Variants in MTERF3 observed in about 807,000 individuals in gnomAD.
The protein encoded by MTERF3 is mitochondrial transcription termination factor 3, also known as transcription termination factor 3, mitochondrial.
Under a neutral mutation model 40.5 loss-of-function variants are expected in MTERF3, and 40 were observed. The ratio of observed to expected loss-of-function variants is 0.99; its 90% confidence interval spans 0.77 to 1.29. MTERF3 has a LOEUF of 1.29. MTERF3 is among the 50% of genes most tolerant of loss of function. The pLI is 0.00. For synonymous variants in MTERF3, 158 were observed against 166.6 expected, an observed-to-expected ratio of 0.95 and a Z score of 0.40; for missense variants, 452 against 478.2, an observed-to-expected ratio of 0.95 and a Z score of 0.51.
chr8:96,254,357 A>G (rs1165032723), intron 3 of MTERF3, among the ~76,000 whole-genome samples: 1 of 152,154 alleles, frequency 6.6e-6, no homozygotes, highest in Non-Finnish European at 1.5e-5. Context: ...GCTGGACAAT[A>G]GATCTCCAAA....
chr8:96,246,005 T>C (rs1323053830), intron 5 of MTERF3, 74 bp from the exon 6 acceptor site: 2 of 1,359,164 alleles, frequency 1.5e-6, no homozygotes, highest in African/African-American at 2.9e-5. Context: ...TAAGGCATTA[T>C]TAAGATACAA....
chr8:96,258,278 G>A, intron 2 of MTERF3, 79 bp downstream of exon 2: 2 of 1,460,412 alleles, frequency 1.4e-6, no homozygotes, highest in Non-Finnish European at 1.8e-6. Flanking sequence ...CCTGAAATGG[G>A]CTAGCAGAAG....
At chr8:96,246,804 G>C (rs924581812) in intron 4 of MTERF3, among the ~76,000 whole-genome samples, 3 of 150,358 alleles carry the variant, frequency 2.0e-5, no homozygotes, top group Non-Finnish European at 4.4e-5. Context: ...TTTATTACTT[G>C]GTAAGAAAGA....
In MTERF3 at chr8:96,258,704, C is replaced by A. The variant is rs370192431; in HGVS notation, c.-10-4G>T. On this transcript the variant is annotated splice_region_variant and splice_polypyrimidine_tract_variant and intron_variant, in intron 1 of 7. Coordinates refer to ENST00000287025, the MANE Select transcript of MTERF3 (RefSeq NM_015942.5). The stretch of plus-strand genomic sequence containing the variant: ...TGACAAAGCCATTTTTCTTAGTCTA[C>A]AAAGGAAAGATATAACCGTCAAAAG... The A allele has an allele frequency of 1.3e-6, 2 of 1,567,706 alleles. No homozygotes were observed. Among genetic ancestry groups the A allele is most frequent in the South Asian group, 1.2e-5 (1 of 85,910 alleles).
At chr8:96,250,386 TACTG>T (rs1223861452) in intron 4 of MTERF3, among the ~76,000 whole-genome samples, 3 of 146,258 alleles carry the variant, frequency 2.1e-5, no homozygotes, top group Admixed American at 6.8e-5. Context: ...AAGAGTTAAT[TACTG>T]ACTCAGTAAT....
intron 1 of MTERF3, among the ~76,000 whole-genome samples, chr8:96,259,914 T>A (rs1810349611): frequency 7.2e-6 from 1 of 138,210 alleles, no homozygotes; most frequent in South Asian, 2.2e-4. Context: ...ATTATTATTA[T>A]TTTTTTTGAG....
rs138095121 is a variant in MTERF3 at position 96,250,972 on chromosome 8, T to C, written c.611A>G (p.Gln204Arg). The stretch of plus-strand genomic sequence containing the variant: ...ATTTTTTGTCAGGAATGCTCCCAGT[T>C]GGTTATCCTCTATACCCACATCTTT... ...FLKDVGIEDN[Q>R]LGAFLTKNHA... is the part of the protein sequence containing the mutation. Residue 204 changes from glutamine to arginine, a missense_variant, in exon 4 of 8, where the codon CAA becomes CGA. By Grantham distance (43) the Gln-to-Arg change is conservative (BLOSUM62 1). Transcript: ENST00000287025. 6 of 1,608,014 alleles carry C rather than the reference T, an allele frequency of 3.7e-6. No individual in the cohort carries two copies. In the African/African-American group the frequency reaches 6.7e-5, roughly 18 times the overall value.
intron 4 of MTERF3, among the ~76,000 whole-genome samples, chr8:96,250,697 G>GAA (rs1810162663): frequency 3.8e-5 from 1 of 26,528 alleles, no homozygotes; most frequent in Non-Finnish European, 8.9e-5. Context: ...GAGGAGGAGG[G>GAA]GGGGAGGGGG....
intron 3 of MTERF3, among the ~76,000 whole-genome samples, chr8:96,253,062 T>C (rs1006719365): frequency 1.2e-4 from 19 of 152,360 alleles, no homozygotes; most frequent in African/African-American, 4.1e-4. Context: ...AGTTGGGCTT[T>C]ACCTCATCAG....
chr8:96,244,199 G>A, intron 6 of MTERF3, 119 bp from the exon 7 acceptor site: 1 of 749,520 alleles, frequency 1.3e-6, no homozygotes, highest in Non-Finnish European at 2.1e-6. Context: ...GCCCAGGATG[G>A]AGTGCAGTGG....
chr8:96,259,058 A>G (rs1246693266), intron 1 of MTERF3, among the ~76,000 whole-genome samples: 1 of 152,270 alleles, frequency 6.6e-6, no homozygotes, highest in African/African-American at 2.4e-5. Flanking sequence ...AATCATTTAA[A>G]GAGAATAAGC....
intron 2 of MTERF3, 167 bp from the exon 3 acceptor site, chr8:96,257,281 A>C: frequency 3.3e-6 from 2 of 598,258 alleles, no homozygotes; most frequent in Non-Finnish European, 5.4e-6. Flanking sequence ...GTAAGGTTAC[A>C]ACTATTTAGA....
chr8:96,260,252 G>A (rs1323421649), intron 1 of MTERF3: 1 of 152,198 alleles, frequency 6.6e-6, no homozygotes, highest in Non-Finnish European at 1.5e-5. Flanking sequence ...ACCCTGCTGG[G>A]ATAGGTGGTT....
chr8:96,256,957 C>T lies in MTERF3; in HGVS notation c.487+5G>A, dbSNP rs762477508. The T allele has an allele frequency of 6.3e-7, 1 of 1,592,552 alleles. No individual in the cohort carries two copies. Among genetic ancestry groups the T allele is most frequent in the South Asian group, 1.2e-5 (1 of 86,270 alleles). ...AAAAAGTACTTGTAGTTTAGTCAAACTTACCTAGAAGAACCAACTTCTGCA... is the reference window on the plus strand; with the variant it reads ...AAAAAGTACTTGTAGTTTAGTCAAATTTACCTAGAAGAACCAACTTCTGCA... On this transcript the variant is annotated splice_donor_5th_base_variant and intron_variant, in intron 3 of 7. Transcript: ENST00000287025.
At position 96,250,899 on chromosome 8, in the gene MTERF3, G is replaced by T. The variant is rs372542379; in HGVS notation, c.677+7C>A. On this transcript the variant is annotated splice_region_variant and intron_variant, in intron 4 of 7. Transcript: ENST00000287025. ...AGGTTATATGAGAATCCTTTTAAAA[G>T]TCCTACCTGGTCTTCAGATTTTCAA... 1.2e-5 allele frequency: 19 copies of T among 1,596,838 alleles called. No homozygotes were observed. The South Asian group carries it at 1.8e-4, about 15-fold the overall frequency.
intron 4 of MTERF3, among the ~76,000 whole-genome samples, chr8:96,250,651 A>AAGGAGG (rs1810145820): frequency 3.7e-5 from 1 of 27,328 alleles, no homozygotes; most frequent in African/African-American, 1.4e-4. Flanking sequence ...GAAGAAGAAG[A>AAGGAGG]AGAAGAAGAA....
intron 3 of MTERF3, 138 bp from the exon 4 acceptor site, chr8:96,251,233 A>C: frequency 4.9e-6 from 3 of 612,552 alleles, no homozygotes; most frequent in Non-Finnish European, 7.7e-6. Flanking sequence ...AGAAACTTCT[A>C]AATATTTTTA....
At chr8:96,242,091 C>T (rs1242929467) in intron 7 of MTERF3, among the ~76,000 whole-genome samples, 1 of 152,180 alleles carries the variant, frequency 6.6e-6, no homozygotes, top group African/African-American at 2.4e-5. Context: ...AAAATTAGTT[C>T]CATGCCACTG....
rs188098924 is a variant in MTERF3, at chr8:96,255,068, C to A, written c.487+1894G>T. ...AGCCAAATCAGGAAAAGCTTTGATG[C>A]CATGGGAAGGTTTTGAAGGATTTTA... On this transcript the variant is annotated intron_variant, in intron 3 of 7. Coordinates refer to ENST00000287025, the MANE Select transcript of MTERF3 (RefSeq NM_015942.5). Among the ~76,000 whole-genome samples, 309 of 152,256 alleles carry A rather than the reference C, an allele frequency of 2.0e-3. 1 individual carries two copies. Among genetic ancestry groups the A allele is most frequent in the African/African-American group, 7.3e-3 (304 of 41,548 alleles).
Sources: allele counts gnomAD v4.1 joint callset (sites outside exome capture counted in the v4.1 genomes callset), GRCh38; gene constraint gnomAD v4.1.1; transcripts MANE v1.5; gene names NCBI Gene and HGNC (gene_info 2026-07-23, HGNC 2026-07-21).